NENF: variants seen among roughly 807,000 people sequenced by gnomAD.
NENF encodes neudesin.
A neutral mutation model predicts 14.8 loss-of-function variants in NENF; 6 were observed. The ratio of observed to expected loss-of-function variants is 0.40; its 90% confidence interval spans 0.22 to 0.80. NENF has a LOEUF of 0.80. Ranked by LOEUF, NENF falls within the 30% of genes least tolerant of loss-of-function variation. The pLI is 0.34. For synonymous variants in NENF, 76 were observed against 95.1 expected, an observed-to-expected ratio of 0.80 and a Z score of 1.17; for missense variants, 184 against 212.7, an observed-to-expected ratio of 0.87 and a Z score of 0.84.
At chr1:212,442,423 C>T in intron 1 of NENF, 142 bp from the exon 2 acceptor site, 2 of 670,624 alleles carry the variant, frequency 3.0e-6, no homozygotes, top group South Asian at 1.8e-5. Flanking sequence ...GGCAAGCTCG[C>T]CAAGGACCAG....
At chr1:212,444,081 T>G (rs12567517) in intron 2 of NENF, among the ~76,000 whole-genome samples, 43,624 of 151,560 alleles carry the variant, frequency 0.29, 6,513 homozygotes, top group Admixed American at 0.31. Flanking sequence ...GTTGTAGGGG[T>G]ACTATTCTCA....
At chr1:212,441,188 T>G (rs970052124) in intron 1 of NENF, among the ~76,000 whole-genome samples, 4 of 152,210 alleles carry the variant, frequency 2.6e-5, no homozygotes. Flanking sequence ...ATTGCTTACA[T>G]ATCTCTAGCA....
Position 212,442,593 on chromosome 1 carries a change from A to G in NENF, c.206A>G (p.Lys69Arg), listed in dbSNP as rs200573623. The change falls in exon 2 of 4, where the codon AAG becomes AGG. Residue 69 changes from lysine to arginine, a missense_variant. Transcript: ENST00000366988. Reference sequence around the variant, plus strand: ...GATCAGCCCATCTACTTGGCAGTGAAGGGAGTGGTGTTTGATGTCACCTCC... The same window carrying G: ...GATCAGCCCATCTACTTGGCAGTGAGGGGAGTGGTGTTTGATGTCACCTCC... The part of the protein sequence containing the change: ...EEDQPIYLAV[K>R]GVVFDVTSGK... The G allele has an allele frequency of 6.2e-7, 1 of 1,613,656 alleles. No homozygotes were observed. The highest frequency in any genetic ancestry group is 2.2e-5 in the East Asian group (1 of 44,876).
chr1:212,442,739 ATTTTATTTTAT>A, intron 2 of NENF, 114 bp downstream of exon 2: 4 of 628,426 alleles, frequency 6.4e-6, no homozygotes, highest in Non-Finnish European at 8.4e-6. Flanking sequence ...TTTTCATTCC[ATTTTATTTTAT>A]TTTATTTTTT....
At position 212,444,425 on chromosome 1, in the gene NENF, G is replaced by C. The variant is rs777779712; in HGVS notation, c.325G>C (p.Asp109His). ...GVAKMSLDPADLTHDTTGLTA... is the reference protein window; with the variant it reads ...GVAKMSLDPAHLTHDTTGLTA... Reference sequence around the variant, plus strand: ...AGCCAAGATGTCCTTGGATCCTGCAGACCTCACCCATGACACTGTGAGCCA... The same window carrying C: ...AGCCAAGATGTCCTTGGATCCTGCACACCTCACCCATGACACTGTGAGCCA... Residue 109 changes from aspartate (D) to histidine (H), a missense_variant, in exon 3 of 4, where the codon GAC (aspartate) becomes CAC (histidine). Physicochemically the swap from Asp to His is moderately conservative, Grantham distance 81. Coordinates refer to ENST00000366988, the MANE Select transcript of NENF (RefSeq NM_013349.5). 11 of 1,606,844 alleles carry C rather than the reference G, an allele frequency of 6.8e-6. No homozygotes were observed. Among genetic ancestry groups the C allele is most frequent in the Non-Finnish European group, 9.4e-6 (11 of 1,175,656 alleles).
At chr1:212,434,171 G>A (rs1662568326) in intron 1 of NENF, among the ~76,000 whole-genome samples, 1 of 152,190 alleles carries the variant, frequency 6.6e-6, no homozygotes, top group South Asian at 2.1e-4. Context: ...AGTCAGTGAG[G>A]ACACCGAGGG....
intron 3 of NENF, among the ~76,000 whole-genome samples, chr1:212,444,945 G>T (rs1662756734): frequency 6.6e-6 from 1 of 152,170 alleles, no homozygotes. Flanking sequence ...TTTCTGTGAA[G>T]GAGAAGATAG....
At chr1:212,443,462 G>A (rs746467820) in intron 2 of NENF, among the ~76,000 whole-genome samples, 15 of 152,010 alleles carry the variant, frequency 9.9e-5, no homozygotes, top group Non-Finnish European at 1.6e-4. Flanking sequence ...TTAGAGTGCA[G>A]TGATGCGACC....
intron 2 of NENF, 47 bp from the exon 3 acceptor site, chr1:212,444,292 C>T (rs1662741218): frequency 7.4e-7 from 1 of 1,353,154 alleles, no homozygotes; most frequent in African/African-American, 1.5e-5. Context: ...CCTGGTTACT[C>T]TGCATGTAAA....
intron 1 of NENF, among the ~76,000 whole-genome samples, chr1:212,440,459 G>A (rs1259630299): frequency 1.3e-5 from 2 of 152,070 alleles, no homozygotes; most frequent in African/African-American, 4.8e-5. Flanking sequence ...GAAAAATGCC[G>A]TCTGCTGGCT....
chr1:212,439,579 C>A (rs1662668097), intron 1 of NENF, among the ~76,000 whole-genome samples: 1 of 148,840 alleles, frequency 6.7e-6, no homozygotes, highest in South Asian at 2.1e-4. Flanking sequence ...CGTGTTGCCT[C>A]ATGCCTATAA....
chr1:212,443,990 T>A (rs1662736332), intron 2 of NENF, among the ~76,000 whole-genome samples: 1 of 151,922 alleles, frequency 6.6e-6, no homozygotes, highest in South Asian at 2.1e-4. Context: ...AGGTGGAGAT[T>A]GCAGTGAGCC....
Position 212,433,452 on chromosome 1 carries a change from T to A in NENF, c.177+332T>A, listed in dbSNP as rs556707513. On this transcript the variant is annotated intron_variant, in intron 1 of 3. Coordinates refer to ENST00000366988, the MANE Select transcript of NENF (RefSeq NM_013349.5). This position sits in a 1 kb window ranked among gnomAD's most constrained non-coding sequence, Gnocchi z 5.5. ...GAACTTTTTGGTTTTCATGTTAGCA[T>A]CAGCCGAGGCGTTTACTGTGCCCAC... 6.6e-6 allele frequency among the ~76,000 whole-genome samples: 1 copy of A among 152,164 alleles called. No homozygotes were observed. The highest frequency in any genetic ancestry group is 1.9e-4 in the East Asian group (1 of 5,144).
Position 212,432,972 on chromosome 1 carries a change from T to C in NENF, c.29T>C (p.Leu10Pro), listed in dbSNP as rs1190257691. The C allele has an allele frequency of 4.8e-6, 5 of 1,051,724 alleles. No individual in the cohort carries two copies. The highest frequency in any genetic ancestry group is 4.7e-6 in the Non-Finnish European group (4 of 855,512). 65.1% of individuals were successfully genotyped at this position (1,051,724 alleles called of 1,614,324 possible). ...GTGGGCCCCGCGCCGCGGCGGCGGC[T>C]GCGGCCGCTGGCAGCGCTGGCCCTG... MVGPAPRRR[L>P]RPLAALALVL... Residue 10 changes from leucine (L) to proline (P), a missense_variant, in exon 1 of 4, where the codon CTG (leucine) becomes CCG (proline). Coordinates refer to ENST00000366988, the MANE Select transcript of NENF (RefSeq NM_013349.5).
chr1:212,446,205 A>G lies in NENF; in HGVS notation c.*199A>G. 1.7e-6 allele frequency: 1 copy of G among 572,996 alleles called. No individual in the cohort carries two copies. The highest frequency in any genetic ancestry group is 3.1e-6 in the Non-Finnish European group (1 of 324,028). The allele number at this position is 572,996 out of a possible 1,614,324, so 35.5% of individuals were successfully genotyped here. A position where few individuals can be genotyped will look rare whatever the true frequency, so the allele number is the denominator to read the frequency against. On this transcript the variant is annotated 3_prime_UTR_variant, in exon 4 of 4. Transcript: ENST00000366988. The stretch of plus-strand genomic sequence containing the variant: ...ACCTGGGGACCCCTGTCTGCACACC[A>G]GGGATCAATAAGAGCCAAAGTGGGA...
rs2102565296 is a variant in NENF, at chr1:212,433,566, C to A, written c.177+446C>A. Among the ~76,000 whole-genome samples the A allele has an allele frequency of 6.6e-6, 1 of 152,114 alleles. No homozygotes were observed. The highest frequency in any genetic ancestry group is 1.5e-5 in the Non-Finnish European group (1 of 67,994). ...GAATTGAGACAGGTCCTGGGATAAG[C>A]CAGTCTTTGCCTGCACTTCCTTTTC... is the stretch of plus-strand genomic sequence containing the variant. On this transcript the variant is annotated intron_variant, in intron 1 of 3. Coordinates refer to ENST00000366988, the MANE Select transcript of NENF (RefSeq NM_013349.5). The surrounding 1 kb of genome is among the most constrained non-coding windows in gnomAD (Gnocchi z 5.5).
rs1049007734 is a variant in NENF, at chr1:212,433,769, C to T, written c.177+649C>T. On this transcript the variant is annotated intron_variant, in intron 1 of 3. Transcript: ENST00000366988. The surrounding 1 kb of genome is among the most constrained non-coding windows in gnomAD (Gnocchi z 5.5). ...CCCCCCGCCCACACACACCCACACACGTCAATAGTCTAGAGGCGTCCAGAA... is the reference window on the plus strand; with the variant it reads ...CCCCCCGCCCACACACACCCACACATGTCAATAGTCTAGAGGCGTCCAGAA... Among the ~76,000 whole-genome samples, 2 of 152,034 alleles carry T rather than the reference C, an allele frequency of 1.3e-5. No homozygotes were observed. Among genetic ancestry groups the T allele is most frequent in the Non-Finnish European group, 2.9e-5 (2 of 67,998 alleles).
rs779592321 is a variant in NENF, at chr1:212,444,386, T to A, written c.286T>A (p.Ser96Thr). ...APYNALTGKDSTRGVAKMSLD... is the reference protein window; with the variant it reads ...APYNALTGKDTTRGVAKMSLD... Reference sequence around the variant, plus strand: ...CTACAATGCCTTGACGGGGAAGGACTCCACTAGAGGGGTAGCCAAGATGTC... The same window carrying A: ...CTACAATGCCTTGACGGGGAAGGACACCACTAGAGGGGTAGCCAAGATGTC... Residue 96 changes from serine to threonine, a missense_variant, in exon 3 of 4, where the codon TCC becomes ACC. Ser to Thr is a moderately conservative substitution (Grantham distance 58, BLOSUM62 1). Coordinates refer to ENST00000366988, the MANE Select transcript of NENF (RefSeq NM_013349.5). The A allele has an allele frequency of 6.3e-5, 101 of 1,608,956 alleles. No individual in the cohort carries two copies. Among genetic ancestry groups the A allele is most frequent in the Non-Finnish European group, 8.1e-5 (95 of 1,177,150 alleles).
chr1:212,433,855 CA>C lies in NENF; in HGVS notation c.177+736del, dbSNP rs1319656085. Among the ~76,000 whole-genome samples the C allele has an allele frequency of 6.6e-6, 1 of 152,122 alleles. No homozygotes were observed. The highest frequency in any genetic ancestry group is 1.5e-5 in the Non-Finnish European group (1 of 68,028). Reference sequence around the variant, plus strand: ...ACTGGAGCCGCACGACAAGGACCAACAGGGGGCTGATATTAGATGTGGAGCG... The same window carrying C: ...ACTGGAGCCGCACGACAAGGACCAACGGGGGCTGATATTAGATGTGGAGCG... On this transcript the variant is annotated intron_variant, in intron 1 of 3. Coordinates refer to ENST00000366988, the MANE Select transcript of NENF (RefSeq NM_013349.5). The surrounding 1 kb of genome is among the most constrained non-coding windows in gnomAD (Gnocchi z 5.5).
Sources: allele counts gnomAD v4.1 joint callset (sites outside exome capture counted in the v4.1 genomes callset), GRCh38; gene constraint gnomAD v4.1.1; non-coding constraint Gnocchi (gnomAD v3.1); transcripts MANE v1.5; gene names NCBI Gene and HGNC (gene_info 2026-07-23, HGNC 2026-07-21).